The following HS3ST4 variants were observed in gnomAD, a reference collection of about 807,000 sequenced individuals.
HS3ST4 encodes the protein heparan sulfate-glucosamine 3-sulfotransferase 4, also known as heparan sulfate glucosamine 3-O-sulfotransferase 4.
In HS3ST4, 17 loss-of-function variants were observed where a neutral mutation model predicts 29.2. That is an observed-to-expected ratio of 0.58 (90% CI 0.40 to 0.87). The LOEUF (loss-of-function observed/expected upper bound fraction) is 0.87, where lower values mean the gene tolerates loss of function less well. Among genes scored for constraint, HS3ST4 ranks in the 40% least tolerant of loss-of-function variants. HS3ST4 has a pLI of 0.00. For missense variants in HS3ST4, 627 were observed against 634.5 expected, an observed-to-expected ratio of 0.99 and a Z score of 0.13; for synonymous variants, 314 against 285.7, an observed-to-expected ratio of 1.10 and a Z score of -1.00.
At position 25,824,301 on chromosome 16, in the gene HS3ST4, T is replaced by C. The variant is rs911960110; in HGVS notation, c.734+131150T>C. Among the ~76,000 whole-genome samples the C allele has an allele frequency of 4.6e-5, 7 of 152,168 alleles. No individual in the cohort carries two copies. In the South Asian group the frequency reaches 1.5e-3, roughly 32 times the overall value. ...ACTGTTTATGGCCAGATATGGGACATTGCCAGCACAGCACTCTCCCAGTTG... is the reference window on the plus strand; with the variant it reads ...ACTGTTTATGGCCAGATATGGGACACTGCCAGCACAGCACTCTCCCAGTTG... On this transcript the variant is annotated intron_variant, in intron 1 of 1. Coordinates refer to ENST00000331351, the MANE Select transcript of HS3ST4 (RefSeq NM_006040.3).
At chr16:25,703,361 C>T (rs557894587) in intron 1 of HS3ST4, among the ~76,000 whole-genome samples, 2 of 152,100 alleles carry the variant, frequency 1.3e-5, no homozygotes, top group African/African-American at 4.8e-5. Context: ...TATTGTATCA[C>T]GTGTGCCAGG....
At chr16:25,781,547 T>G (rs2141615488) in intron 1 of HS3ST4, among the ~76,000 whole-genome samples, 1 of 152,280 alleles carries the variant, frequency 6.6e-6, no homozygotes, top group South Asian at 2.1e-4. Context: ...CATGGACACA[T>G]GAGCTTCTGC....
intron 1 of HS3ST4, among the ~76,000 whole-genome samples, chr16:26,050,097 C>A (rs567178508): frequency 2.0e-5 from 3 of 152,164 alleles, no homozygotes; most frequent in East Asian, 3.9e-4. Flanking sequence ...CCCTCTCCCC[C>A]CTGGAGACTG....
At chr16:25,811,713 A>G (rs1487506498) in intron 1 of HS3ST4, among the ~76,000 whole-genome samples, 3 of 152,144 alleles carry the variant, frequency 2.0e-5, no homozygotes. Flanking sequence ...GATTACAGGC[A>G]TGAGCCACTG....
At chr16:25,889,383 A>G (rs568578379) in intron 1 of HS3ST4, among the ~76,000 whole-genome samples, 6 of 152,302 alleles carry the variant, frequency 3.9e-5, no homozygotes, top group Admixed American at 2.0e-4. Context: ...CCATCGCCAG[A>G]CTTGCTAGAG....
Position 26,025,774 on chromosome 16 carries a change from C to A in HS3ST4, c.735-109838C>A, listed in dbSNP as rs115665020. On this transcript the variant is annotated intron_variant, in intron 1 of 1. Transcript: ENST00000331351. ...CAACAACACCACCCTTTTTTTGTTC[C>A]TTTGTTTTTGCTTTTGTTTTGAGAT... Among the ~76,000 whole-genome samples, 923 of 152,070 alleles carry A rather than the reference C, an allele frequency of 6.1e-3. 14 individuals are homozygous for A. The highest frequency in any genetic ancestry group is 0.02 in the African/African-American group (842 of 41,510).
intron 1 of HS3ST4, among the ~76,000 whole-genome samples, chr16:25,837,846 T>A (rs1276282278): frequency 6.6e-6 from 1 of 152,168 alleles, no homozygotes; most frequent in Non-Finnish European, 1.5e-5. Flanking sequence ...GTAAATCGCA[T>A]GTCACTGAGG....
chr16:25,854,248 C>G (rs1967551227), intron 1 of HS3ST4, among the ~76,000 whole-genome samples: 1 of 152,032 alleles, frequency 6.6e-6, no homozygotes. Context: ...CAGGCACTTA[C>G]CAACAAGCGT....
chr16:25,884,126 A>G (rs556116885), intron 1 of HS3ST4, among the ~76,000 whole-genome samples: 24 of 152,284 alleles, frequency 1.6e-4, no homozygotes, highest in African/African-American at 5.5e-4. Context: ...AGAAAAAAAA[A>G]AAAGAATCCA....
intron 1 of HS3ST4, among the ~76,000 whole-genome samples, chr16:26,013,805 C>A (rs992810816): frequency 6.6e-6 from 1 of 151,808 alleles, no homozygotes; most frequent in South Asian, 2.1e-4. Flanking sequence ...GTCAGGAGAT[C>A]GAGACCATCC....
chr16:25,748,983 T>C (rs1013742444), intron 1 of HS3ST4, among the ~76,000 whole-genome samples: 4 of 152,326 alleles, frequency 2.6e-5, no homozygotes, highest in South Asian at 4.1e-4. Flanking sequence ...TTATGAAGAC[T>C]GGACAAACCA....
At chr16:26,028,164 C>T (rs776080851) in intron 1 of HS3ST4, among the ~76,000 whole-genome samples, 1 of 149,204 alleles carries the variant, frequency 6.7e-6, no homozygotes, top group Non-Finnish European at 1.5e-5. Flanking sequence ...TCTCAGCTAC[C>T]TGGGAGGCTG....
intron 1 of HS3ST4, among the ~76,000 whole-genome samples, chr16:25,979,265 C>G (rs1000745515): frequency 6.6e-6 from 1 of 152,148 alleles, no homozygotes; most frequent in African/African-American, 2.4e-5. Flanking sequence ...CTTGGATATT[C>G]TATAACAGGG....
chr16:25,803,306 T>C (rs1265926524), intron 1 of HS3ST4, among the ~76,000 whole-genome samples: 1 of 152,168 alleles, frequency 6.6e-6, no homozygotes, highest in African/African-American at 2.4e-5. Flanking sequence ...TGATGTTAAA[T>C]AAAAACTGAG....
Position 26,008,457 on chromosome 16 carries a change from A to G in HS3ST4, c.735-127155A>G, listed in dbSNP as rs544004453. Among the ~76,000 whole-genome samples, 11 of 152,298 alleles carry G rather than the reference A, an allele frequency of 7.2e-5. No individual in the cohort carries two copies. In the South Asian group the frequency reaches 1.7e-3, roughly 23 times the overall value. On this transcript the variant is annotated intron_variant, in intron 1 of 1. Coordinates refer to ENST00000331351, the MANE Select transcript of HS3ST4 (RefSeq NM_006040.3). ...GGGATATTTTTGGCTTGCCATATGC[A>G]GGAAGATATAGGTCAGCCAGCACTT... is the stretch of plus-strand genomic sequence containing the variant.
At chr16:25,904,195 GATGA>G (rs1338046983) in intron 1 of HS3ST4, among the ~76,000 whole-genome samples, 53 of 149,700 alleles carry the variant, frequency 3.5e-4, no homozygotes, top group Middle Eastern at 6.9e-3. Context: ...CGGATGGACA[GATGA>G]ATGGATGGAT....
chr16:26,091,495 T>G (rs1029046109), intron 1 of HS3ST4, among the ~76,000 whole-genome samples: 1 of 152,198 alleles, frequency 6.6e-6, no homozygotes, highest in African/African-American at 2.4e-5. Flanking sequence ...TTTGCTCCTG[T>G]GGCCCAATTT....
intron 1 of HS3ST4, among the ~76,000 whole-genome samples, chr16:25,695,350 G>C (rs1487719477): frequency 6.6e-6 from 1 of 152,190 alleles, no homozygotes. Context: ...CAAGCTTCCT[G>C]CCAATACATG....
chr16:26,085,035 G>A (rs1481240107), intron 1 of HS3ST4, among the ~76,000 whole-genome samples: 2 of 152,146 alleles, frequency 1.3e-5, no homozygotes, highest in African/African-American at 2.4e-5. Flanking sequence ...GTGGCTCCAC[G>A]GTGATGAGCA....
Sources: gnomAD v4.1 joint callset for allele counts (sites outside exome capture counted in the v4.1 genomes callset) on GRCh38, gnomAD v4.1.1 for gene constraint, MANE v1.5 for transcripts, NCBI Gene and HGNC (gene_info 2026-07-23, HGNC 2026-07-21) for gene names.